Variants in TRPM3 observed in about 807,000 individuals in gnomAD.
TRPM3 encodes long transient receptor potential channel 3.
In TRPM3, 77 loss-of-function variants were observed where a neutral mutation model predicts 181.2. That is an observed-to-expected ratio of 0.42 (90% CI 0.35 to 0.51). The LOEUF (loss-of-function observed/expected upper bound fraction) is 0.51. Among genes scored for constraint, TRPM3 ranks in the 20% least tolerant of loss-of-function variants. TRPM3 has a pLI of 0.01. For synonymous variants in TRPM3, 745 were observed against 796.4 expected, an observed-to-expected ratio of 0.94 and a Z score of 1.09; for missense variants, 1,759 against 2,196.7, an observed-to-expected ratio of 0.80 and a Z score of 3.98.
At chr9:71,317,496 C>A (rs2088725893) in intron 1 of TRPM3, among the ~76,000 whole-genome samples, 1 of 152,014 alleles carries the variant, frequency 6.6e-6, no homozygotes, top group African/African-American at 2.4e-5. Context: ...CAAAAATTAT[C>A]CAGGTATGCT....
intron 6 of TRPM3, among the ~76,000 whole-genome samples, chr9:70,805,533 CG>C (rs2090477096): frequency 1.5e-5 from 1 of 66,992 alleles, no homozygotes; most frequent in South Asian, 5.9e-4. Context: ...GACTCCATCT[CG>C]AAAAAAAAAA....
At chr9:71,115,369 G>A (rs895885098) in intron 1 of TRPM3, among the ~76,000 whole-genome samples, 3 of 152,072 alleles carry the variant, frequency 2.0e-5, no homozygotes, top group African/African-American at 7.2e-5. Flanking sequence ...AGCTCCCCAA[G>A]TGGTTCTAAG....
chr9:70,881,447 G>A (rs2095991118), intron 1 of TRPM3, among the ~76,000 whole-genome samples: 2 of 152,174 alleles, frequency 1.3e-5, no homozygotes, highest in African/African-American at 4.8e-5. Flanking sequence ...TGATTACACA[G>A]TGCATTCTGG....
chr9:70,553,380 A>T, intron 22 of TRPM3, 70 bp from the exon 23 acceptor site: 2 of 1,566,768 alleles, frequency 1.3e-6, no homozygotes, highest in Non-Finnish European at 1.7e-6. Context: ...AAAAAGATGG[A>T]TTTGTAGGAG....
intron 6 of TRPM3, among the ~76,000 whole-genome samples, chr9:70,788,616 C>T (rs531656896): frequency 6.6e-6 from 1 of 152,138 alleles, no homozygotes; most frequent in African/African-American, 2.4e-5. Context: ...AAGTGCATTG[C>T]ATTTATTATG....
At chr9:71,207,026 G>A (rs2079166378) in intron 1 of TRPM3, among the ~76,000 whole-genome samples, 1 of 152,072 alleles carries the variant, frequency 6.6e-6, no homozygotes, top group Admixed American at 6.6e-5. Context: ...TAAGCAAGGA[G>A]ATGAAGGCAT....
rs535465551 is a variant in TRPM3 at position 70,909,696 on chromosome 9, G to A, written c.178-45185C>T. ...AAAGGACTTGATGAGGTTCTTTGAA[G>A]ATTTTCAAGGGGCCAATAAACATAT... On this transcript the variant is annotated intron_variant, in intron 1 of 25. Coordinates refer to ENST00000677713, the MANE Select transcript of TRPM3 (RefSeq NM_001366145.2). Among the ~76,000 whole-genome samples, 5 of 152,298 alleles carry A rather than the reference G, an allele frequency of 3.3e-5. No individual in the cohort carries two copies. The East Asian group carries it at 9.6e-4, about 29-fold the overall frequency.
At chr9:71,308,466 G>C (rs1020190064) in intron 1 of TRPM3, among the ~76,000 whole-genome samples, 15 of 152,002 alleles carry the variant, frequency 9.9e-5, no homozygotes, top group African/African-American at 3.4e-4. Flanking sequence ...TAGCAATTCA[G>C]GCAGAATCTA....
At chr9:71,112,958 C>T (rs1368108222) in intron 1 of TRPM3, among the ~76,000 whole-genome samples, 7 of 152,196 alleles carry the variant, frequency 4.6e-5, no homozygotes, top group East Asian at 3.9e-4. Context: ...CTCAGCTACA[C>T]GGAATTCCAT....
At chr9:71,068,138 T>C (rs1276180752) in intron 1 of TRPM3, among the ~76,000 whole-genome samples, 2 of 152,292 alleles carry the variant, frequency 1.3e-5, no homozygotes, top group South Asian at 2.1e-4. Context: ...ATTCCTGACC[T>C]ATCAAAAAGG....
At chr9:70,543,037 T>C (rs113710557) in intron 25 of TRPM3, among the ~76,000 whole-genome samples, 2 of 152,272 alleles carry the variant, frequency 1.3e-5, no homozygotes, top group African/African-American at 4.8e-5. Context: ...AGACCAAAGA[T>C]CAGCTTTGGA....
intron 1 of TRPM3, among the ~76,000 whole-genome samples, chr9:70,979,212 A>T (rs2097337922): frequency 6.6e-6 from 1 of 151,976 alleles, no homozygotes; most frequent in African/African-American, 2.4e-5. Context: ...ACAACTCTCC[A>T]TTTGCCATTC....
intron 1 of TRPM3, among the ~76,000 whole-genome samples, chr9:71,152,960 C>T (rs954566934): frequency 3.9e-5 from 6 of 152,104 alleles, no homozygotes; most frequent in African/African-American, 1.4e-4. Flanking sequence ...GTAAAGTCAG[C>T]ATAATGTTAA....
intron 1 of TRPM3, among the ~76,000 whole-genome samples, chr9:71,408,786 C>T (rs968561070): frequency 6.6e-6 from 1 of 151,966 alleles, no homozygotes; most frequent in South Asian, 2.1e-4. Context: ...GAGAGCAACC[C>T]CAAGACATGT....
At chr9:70,951,784 T>C (rs1225472898) in intron 1 of TRPM3, among the ~76,000 whole-genome samples, 2 of 152,176 alleles carry the variant, frequency 1.3e-5, no homozygotes, top group African/African-American at 4.8e-5. Flanking sequence ...CAGGGAAATA[T>C]GGATTTTGCA....
chr9:70,906,214 C>T (rs1405901779), intron 1 of TRPM3, among the ~76,000 whole-genome samples: 1 of 151,172 alleles, frequency 6.6e-6, no homozygotes, highest in African/African-American at 2.4e-5. Context: ...CAGCTATTTC[C>T]TATTGTTAAA....
At chr9:71,381,164 A>G (rs1049341677) in intron 1 of TRPM3, among the ~76,000 whole-genome samples, 1 of 152,174 alleles carries the variant, frequency 6.6e-6, no homozygotes, top group African/African-American at 2.4e-5. Context: ...AGTGTTACAT[A>G]ATATGGTAGA....
At chr9:70,762,220 T>C (rs2078274416) in intron 7 of TRPM3, among the ~76,000 whole-genome samples, 1 of 152,214 alleles carries the variant, frequency 6.6e-6, no homozygotes, top group Admixed American at 6.5e-5. Context: ...AATTATGTTT[T>C]CCCAAAAATC....
At chr9:71,393,782 T>A (rs565793029) in intron 1 of TRPM3, among the ~76,000 whole-genome samples, 1 of 152,252 alleles carries the variant, frequency 6.6e-6, no homozygotes, top group African/African-American at 2.4e-5. Flanking sequence ...TGGCAATAAG[T>A]ATACCACACA....
Sources: gnomAD v4.1 joint callset for allele counts (sites outside exome capture counted in the v4.1 genomes callset) on GRCh38, gnomAD v4.1.1 for gene constraint, MANE v1.5 for transcripts, NCBI Gene and HGNC (gene_info 2026-07-23, HGNC 2026-07-21) for gene names.